Variants in GRM5 observed in about 807,000 individuals in gnomAD.
GRM5 encodes the protein glutamate metabotropic receptor 5.
A neutral mutation model predicts 83.1 loss-of-function variants in GRM5; 19 were observed. The ratio of observed to expected loss-of-function variants is 0.23; its 90% CI spans 0.16 to 0.34. The LOEUF is 0.34. GRM5 is among the 10% of genes least tolerant of loss of function. The pLI is 1.00. For missense variants in GRM5, 1,160 were observed against 1,588.3 expected (o/e 0.73, Z 4.58); for synonymous variants, 675 against 633.6 (o/e 1.07, Z -0.98).
chr11:88,545,855 G>A (rs1043900409), intron 8 of GRM5, among the ~76,000 whole-genome samples: 3 of 151,898 alleles, frequency 2.0e-5, no homozygotes, highest in African/African-American at 4.8e-5. Context: ...CAAAGCTTCC[G>A]AAGCTTCCTA....
chr11:88,534,293 A>G (rs1942084368), intron 8 of GRM5, among the ~76,000 whole-genome samples: 1 of 152,210 alleles, frequency 6.6e-6, no homozygotes, highest in Non-Finnish European at 1.5e-5. Flanking sequence ...AAAGCGGTAG[A>G]CACTCAACAC....
At chr11:88,656,878 G>A (rs1335929804) in intron 3 of GRM5, among the ~76,000 whole-genome samples, 1 of 152,050 alleles carries the variant, frequency 6.6e-6, no homozygotes, top group Non-Finnish European at 1.5e-5. Context: ...AAAGTATAAT[G>A]GAGGATGTGT....
At chr11:88,989,363 A>G (rs1467167904) in intron 2 of GRM5, among the ~76,000 whole-genome samples, 4 of 136,030 alleles carry the variant, frequency 2.9e-5, no homozygotes, top group Non-Finnish European at 6.4e-5. Context: ...TCATAAATCA[A>G]GTCCTGAGTG....
chr11:88,756,846 A>G (rs1049019543), intron 3 of GRM5, among the ~76,000 whole-genome samples: 1 of 152,124 alleles, frequency 6.6e-6, no homozygotes, highest in East Asian at 1.9e-4. Context: ...CCAGAAGAAT[A>G]AGAGAAAGGA....
In GRM5 at chr11:88,507,772, A is replaced by G. The variant is rs1941217896; in HGVS notation, c.*820T>C. On this transcript the variant is annotated 3_prime_UTR_variant, in exon 10 of 10. Transcript: ENST00000305447. ...CACCCCAGTGAGGGAATTACAAAAC[A>G]GTATTCCAGAAAATATTTTTTTTGC... 6.6e-6 allele frequency: 1 copy of G among 152,664 alleles called. No individual in the cohort carries two copies. The highest frequency in any genetic ancestry group is 2.1e-4 in the South Asian group (1 of 4,828). The allele number at this position is 152,664 out of a possible 1,614,324, so 9.5% of individuals were successfully genotyped here.
chr11:89,043,042 A>G (rs1941567247), intron 2 of GRM5, among the ~76,000 whole-genome samples: 1 of 152,222 alleles, frequency 6.6e-6, no homozygotes, highest in Non-Finnish European at 1.5e-5. Context: ...CGTGAACAGG[A>G]TTTTACAATT....
chr11:88,668,274 A>G (rs538684560), intron 3 of GRM5, among the ~76,000 whole-genome samples: 79 of 146,046 alleles, frequency 5.4e-4, no homozygotes, highest in Non-Finnish European at 1.1e-3. Flanking sequence ...GTGGAAGTTT[A>G]TTTAAAACAT....
intron 2 of GRM5, among the ~76,000 whole-genome samples, chr11:88,997,662 A>G (rs926361880): frequency 1.3e-5 from 2 of 152,114 alleles, no homozygotes; most frequent in African/African-American, 4.8e-5. Context: ...GTAAGGGGAT[A>G]CTACAAATAG....
At chr11:88,941,795 G>A (rs1157647408) in intron 2 of GRM5, among the ~76,000 whole-genome samples, 1 of 151,950 alleles carries the variant, frequency 6.6e-6, no homozygotes, top group African/African-American at 2.4e-5. Context: ...TATACCTACT[G>A]ATGCGATGAT....
chr11:89,005,339 G>C (rs1591040623), intron 2 of GRM5, among the ~76,000 whole-genome samples: 1 of 152,296 alleles, frequency 6.6e-6, no homozygotes, highest in East Asian at 1.9e-4. Context: ...GAATTGGAAA[G>C]AGCAGAAATA....
chr11:88,623,724 A>G (rs1380093955), intron 4 of GRM5, among the ~76,000 whole-genome samples: 1 of 152,170 alleles, frequency 6.6e-6, no homozygotes, highest in African/African-American at 2.4e-5. Context: ...TTTATTTGCA[A>G]TCAAGTTCAC....
chr11:88,842,376 A>T (rs989107278), intron 3 of GRM5, among the ~76,000 whole-genome samples: 3 of 152,160 alleles, frequency 2.0e-5, no homozygotes, highest in Admixed American at 6.5e-5. Context: ...TTCATTCCTT[A>T]TTAGTTCAAC....
intron 1 of GRM5, among the ~76,000 whole-genome samples, chr11:89,052,193 T>C (rs368206154): frequency 1.6e-4 from 24 of 152,292 alleles, no homozygotes; most frequent in Middle Eastern, 3.4e-3. Flanking sequence ...AAAGTGAATA[T>C]GTAAGGTTGG....
intron 1 of GRM5, among the ~76,000 whole-genome samples, chr11:89,055,081 T>C (rs1356776402): frequency 1.3e-5 from 2 of 152,220 alleles, no homozygotes; most frequent in Non-Finnish European, 2.9e-5. Context: ...CAAGTTAGGC[T>C]CTTGTCCAAG....
chr11:88,557,832 C>G (rs921870426), intron 8 of GRM5, among the ~76,000 whole-genome samples: 1 of 151,484 alleles, frequency 6.6e-6, no homozygotes, highest in Non-Finnish European at 1.5e-5. Flanking sequence ...ATACACGTGC[C>G]ATGGTGGTTT....
chr11:88,768,434 G>T (rs1351233534), intron 3 of GRM5, among the ~76,000 whole-genome samples: 1 of 151,892 alleles, frequency 6.6e-6, no homozygotes, highest in Non-Finnish European at 1.5e-5. Context: ...GTTACCAGAC[G>T]CTGGTGGGAG....
At chr11:88,737,344 A>C (rs544541496) in intron 3 of GRM5, among the ~76,000 whole-genome samples, 1 of 152,160 alleles carries the variant, frequency 6.6e-6, no homozygotes, top group East Asian at 1.9e-4. Context: ...GAAGTCAAGA[A>C]GAGTGTTTTT....
intron 3 of GRM5, among the ~76,000 whole-genome samples, chr11:88,792,194 C>T (rs1448106572): frequency 2.0e-5 from 3 of 152,002 alleles, no homozygotes; most frequent in Admixed American, 6.6e-5. Context: ...ATCAATAGCC[C>T]TGTTTTCTTA....
At chr11:88,793,023 T>A (rs1943205738) in intron 3 of GRM5, among the ~76,000 whole-genome samples, 1 of 152,132 alleles carries the variant, frequency 6.6e-6, no homozygotes, top group Non-Finnish European at 1.5e-5. Context: ...TTTCTGATAC[T>A]ATTTAGAGTA....
Sources: allele counts gnomAD v4.1 joint callset (sites outside exome capture counted in the v4.1 genomes callset), GRCh38; gene constraint gnomAD v4.1.1; transcripts MANE v1.5; gene names NCBI Gene and HGNC (gene_info 2026-07-23, HGNC 2026-07-21).